MAPK10: variants seen among roughly 807,000 people sequenced by gnomAD.
MAPK10 encodes the protein mitogen-activated protein kinase 10.
In MAPK10, 25 loss-of-function variants were observed where a neutral mutation model predicts 59.3. The observed-to-expected ratio is 0.42, with a 90% CI of 0.31 to 0.59. MAPK10 has a LOEUF of 0.59. MAPK10 is among the 20% of genes least tolerant of loss of function. The pLI is 0.15. For synonymous variants in MAPK10, 190 were observed against 200.5 expected, an observed-to-expected ratio of 0.95 and a Z score of 0.44; for missense variants, 351 against 568.9, an observed-to-expected ratio of 0.62 and a Z score of 3.90.
At chr4:86,539,243 G>A (rs1565006328) in intron 1 of MAPK10, among the ~76,000 whole-genome samples, 1 of 151,648 alleles carries the variant, frequency 6.6e-6, no homozygotes, top group African/African-American at 2.4e-5. Context: ...AGGGCATCCA[G>A]AAAAAAAAGA....
At chr4:86,134,287 C>T (rs768221416) in intron 4 of MAPK10, among the ~76,000 whole-genome samples, 5 of 152,160 alleles carry the variant, frequency 3.3e-5, no homozygotes, top group Admixed American at 6.5e-5. Flanking sequence ...ATTAACCATT[C>T]CCTTCCTATG....
At chr4:86,549,758 T>A (rs538363052) in intron 1 of MAPK10, among the ~76,000 whole-genome samples, 26 of 152,126 alleles carry the variant, frequency 1.7e-4, no homozygotes, top group Non-Finnish European at 3.2e-4. Flanking sequence ...GGTGTGAGGA[T>A]CCCTTGAGTC....
chr4:86,589,017 A>G (rs1359649479), intron 1 of MAPK10, among the ~76,000 whole-genome samples: 5 of 152,200 alleles, frequency 3.3e-5, no homozygotes, highest in Admixed American at 2.0e-4. Flanking sequence ...AAGCTGAATT[A>G]TTAGGTAAAG....
At chr4:86,496,225 C>G (rs1458687329) in intron 1 of MAPK10, among the ~76,000 whole-genome samples, 1 of 152,122 alleles carries the variant, frequency 6.6e-6, no homozygotes, top group Non-Finnish European at 1.5e-5. Context: ...ATGTTGAAAA[C>G]TCTATTTTTG....
chr4:86,314,748 T>C (rs537974731), intron 2 of MAPK10, among the ~76,000 whole-genome samples: 42 of 152,272 alleles, frequency 2.8e-4, no homozygotes, highest in African/African-American at 9.9e-4. Flanking sequence ...AGGAAAATAC[T>C]TAGATATACA....
At chr4:86,427,000 G>A (rs1747366744) in intron 1 of MAPK10, among the ~76,000 whole-genome samples, 1 of 151,934 alleles carries the variant, frequency 6.6e-6, no homozygotes, top group Non-Finnish European at 1.5e-5. Flanking sequence ...ACTCACGCCT[G>A]TAATCCCAGC....
chr4:86,341,541 G>T (rs530281880), intron 2 of MAPK10, among the ~76,000 whole-genome samples: 1 of 152,248 alleles, frequency 6.6e-6, no homozygotes, highest in South Asian at 2.1e-4. Context: ...TCAATGGTTA[G>T]GACAAACTTT....
At chr4:86,374,024 G>A (rs1739356472) in intron 1 of MAPK10, among the ~76,000 whole-genome samples, 2 of 152,068 alleles carry the variant, frequency 1.3e-5, no homozygotes, top group South Asian at 4.1e-4. Flanking sequence ...ATCAATAACA[G>A]ACTGGATAAA....
intron 2 of MAPK10, among the ~76,000 whole-genome samples, chr4:86,217,422 A>C (rs79518557): frequency 0.085 from 12,926 of 152,260 alleles, 1,211 homozygotes; most frequent in African/African-American, 0.23. Context: ...ATCACAAAAA[A>C]CATTTACACA....
intron 1 of MAPK10, among the ~76,000 whole-genome samples, chr4:86,510,143 G>A (rs1235340689): frequency 6.6e-6 from 1 of 151,982 alleles, no homozygotes; most frequent in Non-Finnish European, 1.5e-5. Flanking sequence ...TTTGTTTTGA[G>A]GTGGGGTCTT....
intron 2 of MAPK10, among the ~76,000 whole-genome samples, chr4:86,212,316 A>C (rs1563159356): frequency 6.6e-6 from 1 of 152,008 alleles, no homozygotes; most frequent in Non-Finnish European, 1.5e-5. Context: ...TCAGGAGTTC[A>C]AGACCAGCCT....
chr4:86,284,273 G>A (rs1032300205), intron 2 of MAPK10, among the ~76,000 whole-genome samples: 7 of 152,198 alleles, frequency 4.6e-5, no homozygotes, highest in Non-Finnish European at 1.0e-4. Context: ...ACAAAGCTGT[G>A]GTAGAGGAAG....
At chr4:86,361,202 A>C (rs1475152342), upstream of MAPK10, among the ~76,000 whole-genome samples, 1 of 152,202 alleles carries the variant, frequency 6.6e-6, no homozygotes. Context: ...TAAGAAACGC[A>C]TACGTTTTTG....
chr4:86,481,765 T>C (rs1219506534), intron 1 of MAPK10, among the ~76,000 whole-genome samples: 1 of 152,226 alleles, frequency 6.6e-6, no homozygotes, highest in Non-Finnish European at 1.5e-5. Flanking sequence ...CTTACAATTT[T>C]AAGAAGGCAA....
intron 1 of MAPK10, among the ~76,000 whole-genome samples, chr4:86,489,048 T>G (rs1004709421): frequency 6.6e-6 from 1 of 152,162 alleles, no homozygotes; most frequent in Non-Finnish European, 1.5e-5. Flanking sequence ...TGGAGGCCAC[T>G]GGAGGAGAAC....
At chr4:86,589,515 C>G (rs1332669868) in intron 1 of MAPK10, among the ~76,000 whole-genome samples, 2 of 152,056 alleles carry the variant, frequency 1.3e-5, no homozygotes, top group Non-Finnish European at 2.9e-5. Context: ...AACCCCATCT[C>G]TACTAAAAAT....
chr4:86,554,009 T>C (rs537692493), intron 1 of MAPK10, among the ~76,000 whole-genome samples: 2 of 152,002 alleles, frequency 1.3e-5, no homozygotes, highest in African/African-American at 4.8e-5. Context: ...CCCAAGTACC[T>C]AGGATTACAG....
At chr4:86,086,790 T>G (rs1317569071) in intron 9 of MAPK10, among the ~76,000 whole-genome samples, 1 of 152,182 alleles carries the variant, frequency 6.6e-6, no homozygotes, top group Non-Finnish European at 1.5e-5. Flanking sequence ...ATAACAGAAT[T>G]TTTTAAATCA....
At chr4:86,440,163 A>T (rs879172070) in intron 1 of MAPK10, among the ~76,000 whole-genome samples, 3 of 152,226 alleles carry the variant, frequency 2.0e-5, no homozygotes, top group Admixed American at 2.0e-4. Context: ...TACTAGCTGA[A>T]TATTTGCCCT....
Sources: allele counts gnomAD v4.1 joint callset (sites outside exome capture counted in the v4.1 genomes callset), GRCh38; gene constraint gnomAD v4.1.1; transcripts MANE v1.5; gene names NCBI Gene and HGNC (gene_info 2026-07-23, HGNC 2026-07-21).